The following NPC1 variants were observed in gnomAD, a reference collection of about 807,000 sequenced individuals.
NPC1 encodes the protein Niemann-Pick C1 protein.
NPC1 carries 85 observed loss-of-function variants against 140.4 expected under a neutral mutation model. The ratio of observed to expected loss-of-function variants is 0.61; its 90% CI spans 0.51 to 0.72. The LOEUF (loss-of-function observed/expected upper bound fraction) is 0.72, where lower values mean the gene tolerates loss of function less well. Among genes scored for constraint, NPC1 ranks in the 30% least tolerant of loss-of-function variants. The pLI, the probability that NPC1 is intolerant of heterozygous loss-of-function variation, is 0.00. For missense variants in NPC1, 1,504 were observed against 1,623.8 expected (o/e 0.93, Z 1.27); for synonymous variants, 656 against 624.8 (o/e 1.05, Z -0.74).
intron 7 of NPC1, 130 bp downstream of exon 7, chr18:23,556,987 C>T: frequency 1.3e-6 from 1 of 799,792 alleles, no homozygotes; most frequent in South Asian, 1.4e-5. Flanking sequence ...CCATGTCTGC[C>T]TTGGTCGCAG....
intron 3 of NPC1, among the ~76,000 whole-genome samples, chr18:23,569,435 A>G (rs996531323): frequency 5.3e-5 from 8 of 151,994 alleles, no homozygotes; most frequent in African/African-American, 1.9e-4. Flanking sequence ...CAATCCTCCC[A>G]CCTCAGCCTC....
Position 23,531,513 on chromosome 18 carries a change from T to C in NPC1, c.*689A>G, listed in dbSNP as rs1165630942. ...AACCCCAAAACTTAGGAAAACAATG[T>C]ATTTTATTAAAGAAAAATAAGTTAA... On this transcript the variant is annotated 3_prime_UTR_variant, in exon 25 of 25. Transcript: ENST00000269228. 2.0e-6 allele frequency: 3 copies of C among 1,504,300 alleles called. No individual in the cohort carries two copies. The African/African-American group carries it at 4.2e-5, about 21-fold the overall frequency. The allele number at this position is 1,504,300 out of a possible 1,614,324, so 93.2% of individuals were successfully genotyped here. A position where few individuals can be genotyped will look rare whatever the true frequency, so the allele number is the denominator to read the frequency against.
At chr18:23,554,008 G>C (rs145805651) in intron 9 of NPC1, among the ~76,000 whole-genome samples, 136 of 152,274 alleles carry the variant, frequency 8.9e-4, no homozygotes, top group African/African-American at 3.2e-3. Flanking sequence ...ATCTTGTGGG[G>C]GGTGTGATAC....
rs753922036 is a variant in NPC1, at chr18:23,535,569, A to G, written c.3377T>C (p.Ile1126Thr). The change falls in exon 22 of 25, where the codon ATC becomes ACC. Residue 1126 changes from isoleucine (I) to threonine (T), a missense_variant. By Grantham distance (89) the Ile-to-Thr change is moderately conservative. Coordinates refer to ENST00000269228, the MANE Select transcript of NPC1 (RefSeq NM_000271.5). ...LLGCELWSAV[I>T]MCATIAMVLV... is the part of the protein sequence containing the mutation. ...GACCATGGCGATGGTGGCACACATG[A>G]TGACTGCAGACCAGAGCTCACAGCC... The G allele has an allele frequency of 6.2e-7, 1 of 1,614,152 alleles. No individual in the cohort carries two copies. The highest frequency in any genetic ancestry group is 8.5e-7 in the Non-Finnish European group (1 of 1,180,028).
intron 24 of NPC1, 23 bp downstream of exon 24, chr18:23,533,332 C>T: frequency 6.2e-7 from 1 of 1,609,676 alleles, no homozygotes; most frequent in Non-Finnish European, 8.5e-7. Context: ...ATTGTGCCAC[C>T]CTTTTAAGAT....
At chr18:23,562,770 A>C (rs1652349) in intron 4 of NPC1, among the ~76,000 whole-genome samples, 1 of 151,756 alleles carries the variant, frequency 6.6e-6, no homozygotes, top group African/African-American at 2.4e-5. Flanking sequence ...GTGGACTGCC[A>C]GAGCTCAGGA....
chr18:23,581,179 A>C (rs1476962439), intron 1 of NPC1, among the ~76,000 whole-genome samples: 1 of 152,226 alleles, frequency 6.6e-6, no homozygotes, highest in Admixed American at 6.5e-5. Context: ...GCCAGTATAC[A>C]CTGTCTGCAG....
chr18:23,514,454 G>A (rs1315504133), intron 3 of NPC1, among the ~76,000 whole-genome samples: 1 of 152,206 alleles, frequency 6.6e-6, no homozygotes, highest in Non-Finnish European at 1.5e-5. Context: ...TTACTTGGGA[G>A]GCTGAGGCAG....
chr18:23,521,707 TC>T (rs34406870), downstream of NPC1, among the ~76,000 whole-genome samples: 10 of 151,604 alleles, frequency 6.6e-5, no homozygotes, highest in Non-Finnish European at 1.3e-4. Context: ...TTTTTTTTTT[TC>T]CTTAAACAGA....
At chr18:23,541,038 GAA>G in intron 16 of NPC1, 28 bp downstream of exon 16, 1 of 1,612,746 alleles carries the variant, frequency 6.2e-7, no homozygotes, top group African/African-American at 1.3e-5. Flanking sequence ...TCAGTGAGAG[GAA>G]AGAGAAAAAC....
chr18:23,508,355 C>T (rs531475417), intron 3 of NPC1, among the ~76,000 whole-genome samples: 2 of 152,304 alleles, frequency 1.3e-5, no homozygotes, highest in African/African-American at 4.8e-5. Flanking sequence ...ACATCTGGGT[C>T]TGGGCCCTGG....
At chr18:23,511,049 C>G (rs2057843972) in intron 3 of NPC1, among the ~76,000 whole-genome samples, 1 of 152,180 alleles carries the variant, frequency 6.6e-6, no homozygotes, top group African/African-American at 2.4e-5. Context: ...CAGCACTGTT[C>G]ACAATGGCAA....
chr18:23,539,521 T>C, intron 18 of NPC1, 51 bp from the exon 19 acceptor site: 1 of 1,274,324 alleles, frequency 7.8e-7, no homozygotes. Context: ...AGGAAGTCTT[T>C]AGTTTCAGTA....
chr18:23,519,565 G>A (rs911724699), downstream of NPC1, among the ~76,000 whole-genome samples: 11 of 152,016 alleles, frequency 7.2e-5, no homozygotes, highest in African/African-American at 2.7e-4. Flanking sequence ...ACTAGAAAGT[G>A]CATTTTTATG....
Position 23,556,431 on chromosome 18 carries a change from G to A in NPC1, c.1138C>T (p.Leu380Phe), listed in dbSNP as rs1435915496. 3.7e-6 allele frequency: 6 copies of A among 1,614,042 alleles called. No individual in the cohort carries two copies. Among genetic ancestry groups the A allele is most frequent in the Non-Finnish European group, 8.5e-7 (1 of 1,180,036 alleles). The change falls in exon 8 of 25, where the codon CTC (leucine) becomes TTC (phenylalanine). Residue 380 changes from leucine to phenylalanine, a missense_variant. Physicochemically the swap from Leu to Phe is conservative, Grantham distance 22. Coordinates refer to ENST00000269228, the MANE Select transcript of NPC1 (RefSeq NM_000271.5). The part of the protein sequence containing the change: ...FVRVTTNPVD[L>F]WSAPSSQARL... ...GCCTGGCTGCTGGGGGCTGACCAGAGGTCAACTGGATTGGTTGTGACCCGG... is the reference window on the plus strand; with the variant it reads ...GCCTGGCTGCTGGGGGCTGACCAGAAGTCAACTGGATTGGTTGTGACCCGG...
At chr18:23,544,278 C>T in intron 13 of NPC1, 66 bp downstream of exon 13, 1 of 1,485,908 alleles carries the variant, frequency 6.7e-7, no homozygotes, top group Non-Finnish European at 9.4e-7. Context: ...ATGCGGAGCC[C>T]AGGAGCCATT....
chr18:23,537,262 G>A (rs969349185), intron 20 of NPC1, among the ~76,000 whole-genome samples: 2 of 152,172 alleles, frequency 1.3e-5, no homozygotes, highest in Non-Finnish European at 2.9e-5. Flanking sequence ...AGTAGAGACA[G>A]GGTTTTGCCA....
intron 3 of NPC1, among the ~76,000 whole-genome samples, chr18:23,571,223 A>G (rs1222176606): frequency 1.0e-5 from 1 of 100,092 alleles, no homozygotes; most frequent in Non-Finnish European, 1.9e-5. Context: ...ACAAAACAAA[A>G]ACTGACTTTA....
At chr18:23,523,730 A>AT (rs1479429524) in intron 1 of NPC1, among the ~76,000 whole-genome samples, 7 of 152,074 alleles carry the variant, frequency 4.6e-5, no homozygotes, top group Non-Finnish European at 1.0e-4. Flanking sequence ...TTAAAGAAAA[A>AT]AAAAGATAAT....
Sources: gnomAD v4.1 joint callset for allele counts (sites outside exome capture counted in the v4.1 genomes callset) on GRCh38, gnomAD v4.1.1 for gene constraint, MANE v1.5 for transcripts, NCBI Gene and HGNC (gene_info 2026-07-23, HGNC 2026-07-21) for gene names.